The following ARHGAP32 variants were observed in gnomAD, a reference collection of about 807,000 sequenced individuals.
The protein encoded by ARHGAP32 is Rho GTPase activating protein 32.
A neutral mutation model predicts 186.5 loss-of-function variants in ARHGAP32; 51 were observed. The observed-to-expected ratio is 0.27, with a 90% CI of 0.22 to 0.35. The LOEUF is 0.35. Ranked by LOEUF, ARHGAP32 falls within the 10% of genes least tolerant of loss-of-function variation. The pLI, the probability that ARHGAP32 is intolerant of heterozygous loss-of-function variation, is 1.00. For missense variants in ARHGAP32, 2,186 were observed against 2,623.5 expected, an observed-to-expected ratio of 0.83 and a Z score of 3.64; for synonymous variants, 950 against 964.3, an observed-to-expected ratio of 0.99 and a Z score of 0.27.
intron 7 of ARHGAP32, among the ~76,000 whole-genome samples, chr11:129,065,848 CT>C (rs2135154160): frequency 6.6e-6 from 1 of 152,208 alleles, no homozygotes; most frequent in South Asian, 2.1e-4. Context: ...TCTCTCACAA[CT>C]TTTTAACTTT....
chr11:129,061,545 G>C (rs1279132318), intron 10 of ARHGAP32, among the ~76,000 whole-genome samples: 3 of 152,102 alleles, frequency 2.0e-5, no homozygotes, highest in Non-Finnish European at 4.4e-5. Flanking sequence ...AGGATTACTT[G>C]AACACAGCAC....
At chr11:129,012,884 C>G (rs1159135070) in intron 11 of ARHGAP32, among the ~76,000 whole-genome samples, 1 of 152,168 alleles carries the variant, frequency 6.6e-6, no homozygotes, top group African/African-American at 2.4e-5. Context: ...GACCAATAAA[C>G]ATACATCTTC....
At chr11:129,055,325 C>T (rs900474536) in intron 10 of ARHGAP32, among the ~76,000 whole-genome samples, 3 of 152,226 alleles carry the variant, frequency 2.0e-5, no homozygotes, top group Non-Finnish European at 4.4e-5. Context: ...CTCTCATTCA[C>T]TGCTAGTAAC....
At position 128,966,225 on chromosome 11, in the gene ARHGAP32, T is replaced by C. The variant is rs1220455206; in HGVS notation, c.*2682A>G. ...CAATAGGATTAAATCACGGGTTTAA[T>C]GTATAAGGCAGCTCCATTTCCTTGA... On this transcript the variant is annotated 3_prime_UTR_variant, in exon 23 of 23. Coordinates refer to ENST00000682385, the MANE Select transcript of ARHGAP32 (RefSeq NM_001378024.1). 1 of 152,232 alleles carries C rather than the reference T, an allele frequency of 6.6e-6. No homozygotes were observed. Among genetic ancestry groups the C allele is most frequent in the Non-Finnish European group, 1.5e-5 (1 of 68,042 alleles). 9.4% of individuals were successfully genotyped at this position (152,232 alleles called of 1,614,324 possible). A position where few individuals can be genotyped will look rare whatever the true frequency, so the allele number is the denominator to read the frequency against.
At chr11:129,119,436 T>C (rs192508912) in intron 5 of ARHGAP32, among the ~76,000 whole-genome samples, 11 of 152,124 alleles carry the variant, frequency 7.2e-5, no homozygotes, top group African/African-American at 2.6e-4. Flanking sequence ...TTTAAAATGA[T>C]TAATAAAAAC....
intron 6 of ARHGAP32, among the ~76,000 whole-genome samples, chr11:129,089,101 G>A (rs1461265881): frequency 6.6e-6 from 1 of 151,692 alleles, no homozygotes; most frequent in Admixed American, 6.6e-5. Flanking sequence ...GGCTGAGGAT[G>A]CAGAATGAGA....
chr11:129,160,550 A>G (rs947438437), intron 2 of ARHGAP32, among the ~76,000 whole-genome samples: 1 of 152,108 alleles, frequency 6.6e-6, no homozygotes, highest in Non-Finnish European at 1.5e-5. Flanking sequence ...ACCTAGGATG[A>G]TGATACCTAT....
At chr11:129,088,103 A>G (rs2135250276) in intron 6 of ARHGAP32, among the ~76,000 whole-genome samples, 1 of 152,346 alleles carries the variant, frequency 6.6e-6, no homozygotes, top group Admixed American at 6.5e-5. Context: ...TTTTTAGGCC[A>G]GCAAAAAGTC....
intron 1 of ARHGAP32, among the ~76,000 whole-genome samples, chr11:129,245,796 A>G (rs1424844278): frequency 1.3e-5 from 2 of 151,916 alleles, no homozygotes; most frequent in Non-Finnish European, 2.9e-5. Flanking sequence ...AATGACATGC[A>G]TAATTCATTG....
chr11:129,168,175 T>A (rs1943677540), intron 1 of ARHGAP32, among the ~76,000 whole-genome samples: 1 of 152,148 alleles, frequency 6.6e-6, no homozygotes, highest in Non-Finnish European at 1.5e-5. Context: ...GAGCCCAGGA[T>A]GTCGAGGCTG....
intron 11 of ARHGAP32, among the ~76,000 whole-genome samples, chr11:129,032,814 G>A (rs984406189): frequency 2.6e-5 from 4 of 152,048 alleles, no homozygotes; most frequent in Admixed American, 2.6e-4. Flanking sequence ...ATATACAATG[G>A]GCAATAAGCA....
At chr11:129,169,126 T>C (rs1022718982) in intron 1 of ARHGAP32, among the ~76,000 whole-genome samples, 1 of 152,042 alleles carries the variant, frequency 6.6e-6, no homozygotes, top group African/African-American at 2.4e-5. Context: ...AGTAAATTAA[T>C]TCAAGGAAAG....
chr11:129,113,477 A>G (rs957441393), intron 5 of ARHGAP32, among the ~76,000 whole-genome samples: 9 of 152,060 alleles, frequency 5.9e-5, no homozygotes, highest in African/African-American at 2.2e-4. Flanking sequence ...TTTTTATAAT[A>G]TATTTGTGTA....
intron 11 of ARHGAP32, among the ~76,000 whole-genome samples, chr11:128,999,389 C>A (rs1025855077): frequency 6.6e-6 from 1 of 152,198 alleles, no homozygotes; most frequent in Non-Finnish European, 1.5e-5. Flanking sequence ...TTATCAATGA[C>A]AATGCATGCA....
intron 2 of ARHGAP32, among the ~76,000 whole-genome samples, chr11:129,163,602 C>T (rs1014950338): frequency 6.6e-6 from 1 of 152,114 alleles, no homozygotes; most frequent in Non-Finnish European, 1.5e-5. Flanking sequence ...TAGCATCTAA[C>T]CAATTCTCAC....
At chr11:129,060,565 A>G (rs776554924) in intron 10 of ARHGAP32, among the ~76,000 whole-genome samples, 9 of 152,158 alleles carry the variant, frequency 5.9e-5, no homozygotes, top group Non-Finnish European at 8.8e-5. Context: ...GTAGTCTTCT[A>G]TTTAGTTTTA....
chr11:129,030,627 T>C (rs1439589782), intron 11 of ARHGAP32: 1 of 152,196 alleles, frequency 6.6e-6, no homozygotes, highest in Non-Finnish European at 1.5e-5. Flanking sequence ...AAAAAAGTTA[T>C]CTTCAAATAA....
chr11:129,083,740 AC>A (rs1771547495), intron 6 of ARHGAP32, among the ~76,000 whole-genome samples: 1 of 152,218 alleles, frequency 6.6e-6, no homozygotes, highest in African/African-American at 2.4e-5. Flanking sequence ...ACATCTAATA[AC>A]AATAATCTAA....
intron 1 of ARHGAP32, among the ~76,000 whole-genome samples, chr11:129,200,965 A>G (rs980251785): frequency 1.3e-5 from 2 of 152,156 alleles, no homozygotes; most frequent in Non-Finnish European, 2.9e-5. Context: ...CTAAAAAATA[A>G]GAAAAAAGTC....
Sources: gnomAD v4.1 joint callset for allele counts (sites outside exome capture counted in the v4.1 genomes callset) on GRCh38, gnomAD v4.1.1 for gene constraint, MANE v1.5 for transcripts, NCBI Gene and HGNC (gene_info 2026-07-23, HGNC 2026-07-21) for gene names.